Variants in PDSS1 observed in about 807,000 individuals in gnomAD.
PDSS1 encodes all trans-polyprenyl-diphosphate synthase PDSS1.
PDSS1 carries 43 observed loss-of-function variants against 57.5 expected under a neutral mutation model. The observed-to-expected ratio is 0.75, with a 90% CI of 0.59 to 0.96. PDSS1 has a LOEUF of 0.96. Among genes scored for constraint, PDSS1 ranks in the 50% least tolerant of loss-of-function variants. The pLI is 0.00. For synonymous variants in PDSS1, 175 were observed against 191.3 expected, an observed-to-expected ratio of 0.91 and a Z score of 0.70; for missense variants, 438 against 527.8, an observed-to-expected ratio of 0.83 and a Z score of 1.67.
Position 26,746,607 on chromosome 10 carries a change from T to TTTA in PDSS1, c.*137_*139dup, listed in dbSNP as rs1346526630. 1 of 924,512 alleles carries TTTA rather than the reference T, an allele frequency of 1.1e-6. No homozygotes were observed. The highest frequency in any genetic ancestry group is 2.4e-5 in the Admixed American group (1 of 41,074). The allele number at this position is 924,512 out of a possible 1,614,324, so 57.3% of individuals were successfully genotyped here. On this transcript the variant is annotated 3_prime_UTR_variant, in exon 12 of 12. Coordinates refer to ENST00000376215, the MANE Select transcript of PDSS1 (RefSeq NM_014317.5). Reference sequence around the variant, plus strand: ...AGATATCAAACTTATTGATGGGCAATTTATTTTTTTTTATTGCAAAAGTTT... The same window carrying TTTA: ...AGATATCAAACTTATTGATGGGCAATTTATTATTTTTTTTTATTGCAAAAGTTT...
At chr10:26,745,325 A>G (rs1836805442) in intron 11 of PDSS1, among the ~76,000 whole-genome samples, 1 of 152,214 alleles carries the variant, frequency 6.6e-6, no homozygotes, top group Admixed American at 6.5e-5. Flanking sequence ...ATATTTTAAA[A>G]CATGGTTATA....
At chr10:26,733,204 C>G (rs558856551) in intron 8 of PDSS1, among the ~76,000 whole-genome samples, 1 of 152,188 alleles carries the variant, frequency 6.6e-6, no homozygotes, top group African/African-American at 2.4e-5. Flanking sequence ...GCTTCACTAT[C>G]AGTTATTTCT....
intron 4 of PDSS1, among the ~76,000 whole-genome samples, chr10:26,708,585 G>T (rs913319111): frequency 3.3e-5 from 5 of 152,170 alleles, no homozygotes; most frequent in African/African-American, 1.2e-4. Flanking sequence ...TAATCCGGCA[G>T]CCCATGCCTT....
At chr10:26,725,634 C>G (rs1486259916) in intron 8 of PDSS1, among the ~76,000 whole-genome samples, 1 of 152,124 alleles carries the variant, frequency 6.6e-6, no homozygotes, top group Non-Finnish European at 1.5e-5. Flanking sequence ...TATTATCATG[C>G]CCTTGATGGC....
At chr10:26,707,988 T>C (rs1835298040) in intron 4 of PDSS1, among the ~76,000 whole-genome samples, 3 of 152,240 alleles carry the variant, frequency 2.0e-5, no homozygotes, top group Admixed American at 2.0e-4. Context: ...TCCATGCCCC[T>C]GGTCCTTTCA....
chr10:26,714,736 A>T (rs896159010), intron 5 of PDSS1: 14 of 152,242 alleles, frequency 9.2e-5, no homozygotes, highest in African/African-American at 3.4e-4. Context: ...TGTGCTGTAC[A>T]GAGATCTGTT....
intron 1 of PDSS1, chr10:26,701,941 G>T: frequency 2.3e-6 from 1 of 427,388 alleles, no homozygotes; most frequent in South Asian, 1.7e-5. Flanking sequence ...CAAGTTCTTG[G>T]GAGCCCACCC....
chr10:26,700,762 A>G (rs917014774), intron 1 of PDSS1, among the ~76,000 whole-genome samples: 5 of 152,070 alleles, frequency 3.3e-5, no homozygotes, highest in African/African-American at 9.7e-5. Context: ...CCTCTTTCCT[A>G]TAATTATAGA....
At chr10:26,718,560 A>G (rs780951439) in intron 5 of PDSS1, among the ~76,000 whole-genome samples, 3 of 152,132 alleles carry the variant, frequency 2.0e-5, no homozygotes, top group Non-Finnish European at 2.9e-5. Flanking sequence ...CAGGAATTCA[A>G]GACCAGCCTG....
chr10:26,742,151 A>G (rs1447431771), intron 10 of PDSS1, among the ~76,000 whole-genome samples: 1 of 152,252 alleles, frequency 6.6e-6, no homozygotes, highest in South Asian at 2.1e-4. Context: ...TGCTGGGATT[A>G]CAGGCGTGTG....
At chr10:26,699,810 G>C (rs184963007) in intron 1 of PDSS1, among the ~76,000 whole-genome samples, 1 of 152,188 alleles carries the variant, frequency 6.6e-6, no homozygotes, top group African/African-American at 2.4e-5. Context: ...ACGACAAGGA[G>C]GAATTCTGTG....
rs1239685419 is a variant in PDSS1 at position 26,723,911 on chromosome 10, G to A, written c.715G>A (p.Val239Met). 6.2e-7 allele frequency: 1 copy of A among 1,607,324 alleles called. No individual in the cohort carries two copies. The highest frequency in any genetic ancestry group is 1.7e-5 in the Admixed American group (1 of 60,014). The part of the protein sequence containing the change: ...SILTQVIEDL[V>M]RGEFLQLGSK... ...TTTAACCCAAGTTATTGAAGATTTG[G>A]TGCGTGGTACGTTGATTCTGATTTT... Residue 239 changes from valine (V) to methionine (M), a missense_variant, in exon 7 of 12, where the codon GTG becomes ATG. Transcript: ENST00000376215.
Position 26,723,803 on chromosome 10 carries a change from TA to T in PDSS1, c.610-2del. The T allele has an allele frequency of 6.3e-7, 1 of 1,599,120 alleles. No individual in the cohort carries two copies. Among genetic ancestry groups the T allele is most frequent in the South Asian group, 1.1e-5 (1 of 90,814 alleles). ...GTTCTGTTTTCCCCCTGTCTTTTTC[TA>T]GGCTGTTCTTGCTGGAGATTTAATT... On this transcript the variant is annotated splice_acceptor_variant, in intron 6 of 11. Transcript: ENST00000376215. LOFTEE classifies it high-confidence loss of function.
chr10:26,731,067 C>T (rs1836176819), intron 8 of PDSS1, among the ~76,000 whole-genome samples: 1 of 151,960 alleles, frequency 6.6e-6, no homozygotes, highest in African/African-American at 2.4e-5. Context: ...ATTAGCTGGG[C>T]GTGGTGGCAC....
At chr10:26,737,553 G>C (rs1836444982) in intron 10 of PDSS1, among the ~76,000 whole-genome samples, 1 of 151,566 alleles carries the variant, frequency 6.6e-6, no homozygotes, top group Non-Finnish European at 1.5e-5. Context: ...CAATATGGTG[G>C]AAACCCCGTC....
chr10:26,733,614 G>A (rs1164988881), intron 8 of PDSS1, among the ~76,000 whole-genome samples: 2 of 152,164 alleles, frequency 1.3e-5, no homozygotes, highest in Non-Finnish European at 2.9e-5. Context: ...GTTGGCAGAG[G>A]TGCGTGGACA....
chr10:26,735,441 T>C, intron 9 of PDSS1, 25 bp from the exon 10 acceptor site: 1 of 1,500,318 alleles, frequency 6.7e-7, no homozygotes, highest in Non-Finnish European at 9.3e-7. Context: ...CGGTGCTCCT[T>C]ACATCCCATT....
At chr10:26,721,377 G>T (rs1835777463) in intron 6 of PDSS1, among the ~76,000 whole-genome samples, 1 of 148,924 alleles carries the variant, frequency 6.7e-6, no homozygotes. Flanking sequence ...AGTATTCCTG[G>T]TTCATTCCTA....
chr10:26,717,292 G>T (rs1026992329), intron 5 of PDSS1, among the ~76,000 whole-genome samples: 1 of 152,144 alleles, frequency 6.6e-6, no homozygotes, highest in Non-Finnish European at 1.5e-5. Context: ...GTACAGTGGT[G>T]CAAGTCTCAG....
Sources: allele counts gnomAD v4.1 joint callset (sites outside exome capture counted in the v4.1 genomes callset), GRCh38; gene constraint gnomAD v4.1.1; transcripts MANE v1.5; gene names NCBI Gene and HGNC (gene_info 2026-07-23, HGNC 2026-07-21).